SLC2A12: variants seen among roughly 807,000 people sequenced by gnomAD.
SLC2A12 encodes the protein solute carrier family 2 member 12.
Under a neutral mutation model 41.8 loss-of-function variants are expected in SLC2A12, and 23 were observed. The observed-to-expected ratio is 0.55, with a 90% CI of 0.40 to 0.78. The LOEUF (loss-of-function observed/expected upper bound fraction) is 0.78, where lower values mean the gene tolerates loss of function less well. Ranked by LOEUF, SLC2A12 falls within the 30% of genes least tolerant of loss-of-function variation. The pLI, the probability that SLC2A12 is intolerant of heterozygous loss-of-function variation, is 0.00. For missense variants in SLC2A12, 654 were observed against 745.6 expected, an observed-to-expected ratio of 0.88 and a Z score of 1.43; for synonymous variants, 295 against 285.9, an observed-to-expected ratio of 1.03 and a Z score of -0.32.
chr6:133,994,731 CAAAAA>C (rs1164106155), intron 4 of SLC2A12, among the ~76,000 whole-genome samples: 2 of 151,984 alleles, frequency 1.3e-5, no homozygotes, highest in Non-Finnish European at 2.9e-5. Context: ...AACAAACAAA[CAAAAA>C]AGAAACTAAC....
chr6:134,006,918 G>T lies in SLC2A12; in HGVS notation c.1461C>A (p.Leu487=). 6.2e-7 allele frequency: 1 copy of T among 1,614,172 alleles called. No individual in the cohort carries two copies. Among genetic ancestry groups the T allele is most frequent in the Non-Finnish European group, 8.5e-7 (1 of 1,180,016 alleles). The change falls in exon 3 of 5, where the codon CTC becomes CTA. Residue 487 remains leucine (L), a synonymous_variant. Coordinates refer to ENST00000275230, the MANE Select transcript of SLC2A12 (RefSeq NM_145176.3). ...IGLGPMPWLV[L]SEIFPGGIRG... ...TGATCCCACCAGGAAAGATCTCGCT[G>T]AGCACCAGCCAGGGCACTAGAAGAA... is the stretch of plus-strand genomic sequence containing the variant.
rs192745543 is a variant in SLC2A12 at position 134,007,300 on chromosome 6, C to A, written c.1445-366G>T. The stretch of plus-strand genomic sequence containing the variant: ...TCTGGACATCTGCCAAGCACAGAAG[C>A]CTCAGTGCCAGAGCCCAGGTGTACC... On this transcript the variant is annotated intron_variant, in intron 2 of 4. Coordinates refer to ENST00000275230, the MANE Select transcript of SLC2A12 (RefSeq NM_145176.3). Among the ~76,000 whole-genome samples, 6 of 152,332 alleles carry A rather than the reference C, an allele frequency of 3.9e-5. No individual in the cohort carries two copies. The East Asian group carries it at 1.2e-3, about 29-fold the overall frequency.
intron 2 of SLC2A12, among the ~76,000 whole-genome samples, chr6:134,017,883 T>A (rs907768069): frequency 2.0e-5 from 3 of 147,538 alleles, no homozygotes; most frequent in Non-Finnish European, 3.0e-5. Flanking sequence ...AAAAGAAGAG[T>A]GGACATTTGT....
At chr6:134,031,754 G>A (rs991379427) in intron 1 of SLC2A12, among the ~76,000 whole-genome samples, 1 of 152,202 alleles carries the variant, frequency 6.6e-6, no homozygotes, top group African/African-American at 2.4e-5. Flanking sequence ...AGGTAAAAAT[G>A]TTAAGTAGGG....
chr6:133,991,663 A>G (rs562665465), intron 4 of SLC2A12, among the ~76,000 whole-genome samples: 4 of 152,298 alleles, frequency 2.6e-5, no homozygotes, highest in South Asian at 2.1e-4. Flanking sequence ...TATCTCTTCT[A>G]TCTTCTACGT....
chr6:134,039,098 CATTCAGGAAAGAT>C (rs1777346022), intron 1 of SLC2A12, among the ~76,000 whole-genome samples: 1 of 152,182 alleles, frequency 6.6e-6, no homozygotes, highest in Non-Finnish European at 1.5e-5. Context: ...GTTCTTTTTC[CATTCAGGAAAGAT>C]TTCCTCTAAT....
At chr6:134,003,029 A>G (rs1168481523) in intron 3 of SLC2A12, among the ~76,000 whole-genome samples, 7 of 152,220 alleles carry the variant, frequency 4.6e-5, no homozygotes, top group Admixed American at 3.9e-4. Flanking sequence ...GGAGTAGTCA[A>G]CTACGAACAA....
intron 4 of SLC2A12, among the ~76,000 whole-genome samples, chr6:134,000,706 C>T (rs1027813889): frequency 3.3e-5 from 5 of 152,084 alleles, no homozygotes; most frequent in African/African-American, 9.7e-5. Flanking sequence ...ATTAGAGCTA[C>T]TAAAAAAGGA....
intron 3 of SLC2A12, among the ~76,000 whole-genome samples, chr6:134,004,842 A>G (rs1776792556): frequency 6.6e-6 from 1 of 152,224 alleles, no homozygotes; most frequent in African/African-American, 2.4e-5. Flanking sequence ...AGAAGGAATG[A>G]CATAATGAGT....
chr6:134,032,465 T>TAAA (rs1491198648), intron 1 of SLC2A12, among the ~76,000 whole-genome samples: 23 of 33,150 alleles, frequency 6.9e-4, no homozygotes, highest in African/African-American at 3.8e-3. Flanking sequence ...TATATATATA[T>TAAA]TTTTATATAT....
chr6:134,028,467 G>C lies in SLC2A12; in HGVS notation c.1358C>G (p.Pro453Arg), dbSNP rs1777144864. ...SHTEYQIVTD[P>R]GDVPAFLKWL... Reference sequence around the variant, plus strand: ...TTTCAAAAAAGCTGGGACGTCCCCAGGGTCTGTGACTATCTGGTATTCAGT... The same window carrying C: ...TTTCAAAAAAGCTGGGACGTCCCCACGGTCTGTGACTATCTGGTATTCAGT... Residue 453 changes from proline to arginine, a missense_variant, in exon 2 of 5, where the codon CCT becomes CGT. By Grantham distance (103) the Pro-to-Arg change is moderately radical. This residue lies in a region of SLC2A12 where 411 missense variants were observed against 412.1 expected (regional missense o/e 1.00). Transcript: ENST00000275230. The C allele has an allele frequency of 6.2e-7, 1 of 1,614,208 alleles. No homozygotes were observed. Among genetic ancestry groups the C allele is most frequent in the Non-Finnish European group, 8.5e-7 (1 of 1,180,030 alleles).
chr6:133,997,085 C>CAAA (rs58295985), intron 4 of SLC2A12, among the ~76,000 whole-genome samples: 1,186 of 70,674 alleles, frequency 0.017, 50 homozygotes, highest in African/African-American at 0.02. Flanking sequence ...ACTAAAAATA[C>CAAA]AAAAAAAAAA....
At chr6:134,043,351 T>G (rs377498482) in intron 1 of SLC2A12, among the ~76,000 whole-genome samples, 3 of 152,150 alleles carry the variant, frequency 2.0e-5, no homozygotes, top group Admixed American at 2.0e-4. Flanking sequence ...GAAGGAGGCA[T>G]GTGGATTTAA....
chr6:134,002,211 A>C lies in SLC2A12; in HGVS notation c.1568-82T>G. The C allele has an allele frequency of 2.2e-6, 3 of 1,394,836 alleles. No homozygotes were observed. In the South Asian group the frequency reaches 3.8e-5, roughly 18 times the overall value. The allele number at this position is 1,394,836 out of a possible 1,614,324, so 86.4% of individuals were successfully genotyped here. A position where few individuals can be genotyped will look rare whatever the true frequency, so the allele number is the denominator to read the frequency against. ...TTGTGAACAGCCACTTAGGGCATACATAGCACCATATGTATTTTCAAACAT... is the reference window on the plus strand; with the variant it reads ...TTGTGAACAGCCACTTAGGGCATACCTAGCACCATATGTATTTTCAAACAT... On this transcript the variant is annotated intron_variant, in intron 3 of 4. Coordinates refer to ENST00000275230, the MANE Select transcript of SLC2A12 (RefSeq NM_145176.3).
intron 1 of SLC2A12, among the ~76,000 whole-genome samples, chr6:134,044,709 C>T (rs759799293): frequency 2.7e-5 from 3 of 109,222 alleles, no homozygotes; most frequent in Admixed American, 9.8e-5. Flanking sequence ...AGTGAAACTC[C>T]GTCTAAAAAA....
intron 1 of SLC2A12, among the ~76,000 whole-genome samples, chr6:134,051,214 C>G (rs1288133244): frequency 5.3e-5 from 8 of 152,146 alleles, no homozygotes; most frequent in African/African-American, 1.7e-4. Context: ...GCATGAGCCA[C>G]CACGCCCGGC....
intron 4 of SLC2A12, among the ~76,000 whole-genome samples, chr6:133,997,809 GA>G (rs1021117845): frequency 1.3e-4 from 20 of 151,472 alleles, no homozygotes; most frequent in African/African-American, 4.4e-4. Flanking sequence ...AATAAATGTT[GA>G]AAAAAAAATT....
intron 2 of SLC2A12, among the ~76,000 whole-genome samples, chr6:134,013,257 A>C (rs982224627): frequency 6.6e-6 from 1 of 152,102 alleles, no homozygotes; most frequent in Admixed American, 6.5e-5. Flanking sequence ...ATTGCACTCC[A>C]GCCTGGGTGA....
At chr6:134,006,176 G>GAAAAAAAAAAAAAAAAAAAAAAAAAAA (rs1182572567) in intron 3 of SLC2A12, among the ~76,000 whole-genome samples, 1 of 61,782 alleles carries the variant, frequency 1.6e-5, no homozygotes, top group African/African-American at 5.7e-5. Flanking sequence ...GAGACTATCG[G>GAAAAAAAAAAAAAAAAAAAAAAAAAAA]AAAAAAAAAA....
Sources: gnomAD v4.1 joint callset for allele counts (sites outside exome capture counted in the v4.1 genomes callset) on GRCh38, gnomAD v4.1.1 for gene constraint, gnomAD v4.1.1 regional missense constraint, MANE v1.5 for transcripts, NCBI Gene and HGNC (gene_info 2026-07-23, HGNC 2026-07-21) for gene names.